SMYD3: variants seen among roughly 807,000 people sequenced by gnomAD.
The protein encoded by SMYD3 is SET and MYND domain containing 3.
Under a neutral mutation model 57.7 loss-of-function variants are expected in SMYD3, and 36 were observed. That is an observed-to-expected ratio of 0.62 (90% CI 0.48 to 0.82). SMYD3 has a LOEUF of 0.82. Ranked by LOEUF, SMYD3 falls within the 40% of genes least tolerant of loss-of-function variation. The pLI, the probability that SMYD3 is intolerant of heterozygous loss-of-function variation, is 0.00. For synonymous variants in SMYD3, 211 were observed against 195.0 expected (o/e 1.08, Z -0.68); for missense variants, 515 against 538.8 (o/e 0.96, Z 0.44).
chr1:245,962,651 A>G (rs1274951307), intron 5 of SMYD3, among the ~76,000 whole-genome samples: 2 of 151,940 alleles, frequency 1.3e-5, no homozygotes, highest in Non-Finnish European at 2.9e-5. Flanking sequence ...TGCGTCGAAC[A>G]ATAAAGAGAA....
intron 1 of SMYD3, among the ~76,000 whole-genome samples, chr1:246,374,680 T>C (rs968297526): frequency 1.3e-5 from 2 of 152,140 alleles, no homozygotes; most frequent in African/African-American, 4.8e-5. Flanking sequence ...CAATATATAT[T>C]AAATAAGGTG....
chr1:246,178,177 A>G (rs1361472952), intron 5 of SMYD3, among the ~76,000 whole-genome samples: 1 of 152,178 alleles, frequency 6.6e-6, no homozygotes, highest in East Asian at 1.9e-4. Context: ...GCAACTGTAA[A>G]TCTGGGATGG....
At chr1:246,105,988 T>C (rs2061111254) in intron 5 of SMYD3, among the ~76,000 whole-genome samples, 1 of 152,162 alleles carries the variant, frequency 6.6e-6, no homozygotes. Flanking sequence ...TTGACAAACA[T>C]TATGCAGTGA....
At chr1:246,067,675 G>T in intron 5 of SMYD3, among the ~76,000 whole-genome samples, 1 of 152,198 alleles carries the variant, frequency 6.6e-6, no homozygotes, top group East Asian at 1.9e-4. Context: ...AGGGCGACTC[G>T]CTCCTGGACG....
At chr1:245,855,595 C>T (rs867903540) in intron 10 of SMYD3, among the ~76,000 whole-genome samples, 27 of 152,300 alleles carry the variant, frequency 1.8e-4, no homozygotes, top group Middle Eastern at 6.8e-3. Flanking sequence ...TATGCCGATA[C>T]TATCAGAAGA....
chr1:245,968,901 G>A (rs1025469473), intron 5 of SMYD3, among the ~76,000 whole-genome samples: 9 of 152,094 alleles, frequency 5.9e-5, no homozygotes, highest in South Asian at 2.1e-4. Context: ...AGATGCCTCC[G>A]TACACTGTTA....
At chr1:245,782,134 C>T (rs1303993754) in intron 10 of SMYD3, among the ~76,000 whole-genome samples, 1 of 152,152 alleles carries the variant, frequency 6.6e-6, no homozygotes, top group African/African-American at 2.4e-5. Context: ...ATATGTATCA[C>T]TCCTTCTACA....
chr1:246,251,182 A>G (rs2063792480), intron 5 of SMYD3, among the ~76,000 whole-genome samples: 1 of 152,182 alleles, frequency 6.6e-6, no homozygotes, highest in Admixed American at 6.5e-5. Flanking sequence ...TTGAGTTGGG[A>G]GCAGGGGTTG....
intron 5 of SMYD3, among the ~76,000 whole-genome samples, chr1:245,997,193 T>G (rs927020476): frequency 6.6e-6 from 1 of 152,194 alleles, no homozygotes; most frequent in African/African-American, 2.4e-5. Flanking sequence ...GGGGAACCCC[T>G]TTAGGGAGAG....
At chr1:246,427,461 A>T (rs1314293889) in intron 1 of SMYD3, among the ~76,000 whole-genome samples, 1 of 149,858 alleles carries the variant, frequency 6.7e-6, no homozygotes, top group South Asian at 2.1e-4. Context: ...CGGAGCTTGC[A>T]GTGAGCCGAG....
chr1:246,419,916 A>G (rs1052488571), intron 1 of SMYD3, among the ~76,000 whole-genome samples: 3 of 152,240 alleles, frequency 2.0e-5, no homozygotes, highest in Admixed American at 2.0e-4. Flanking sequence ...GTCTGTCACG[A>G]CTTGAGCTGT....
At chr1:246,085,870 T>C (rs973312620) in intron 5 of SMYD3, among the ~76,000 whole-genome samples, 2 of 152,148 alleles carry the variant, frequency 1.3e-5, no homozygotes, top group African/African-American at 4.8e-5. Flanking sequence ...TCTTTGTTTC[T>C]GATCAACCTT....
In SMYD3 at chr1:246,074,913, T is replaced by TACACACACACACAC. The variant is rs60103366; in HGVS notation, c.532-144990_532-144977dup. Among the ~76,000 whole-genome samples the TACACACACACACAC allele has an allele frequency of 7.6e-4, 113 of 148,464 alleles. 1 individual carries two copies. Among genetic ancestry groups the TACACACACACACAC allele is most frequent in the Middle Eastern group, 3.5e-3 (1 of 286 alleles). On this transcript the variant is annotated intron_variant, in intron 5 of 11. Coordinates refer to ENST00000490107, the MANE Select transcript of SMYD3 (RefSeq NM_001167740.2). The stretch of plus-strand genomic sequence containing the variant: ...CCAATATAATAGCATGCTAAAGCAA[T>TACACACACACACAC]ACACACACACACACACACACACACA...
Position 245,945,764 on chromosome 1 carries a change from T to C in SMYD3, c.532-15827A>G, listed in dbSNP as rs1413103109. Reference sequence around the variant, plus strand: ...AAAAAATCATGGTACATATACACCATGGAATACTACACAGTAATAAAAAGG... The same window carrying C: ...AAAAAATCATGGTACATATACACCACGGAATACTACACAGTAATAAAAAGG... On this transcript the variant is annotated intron_variant, in intron 5 of 11. Transcript: ENST00000490107. Among the ~76,000 whole-genome samples the C allele has an allele frequency of 2.6e-5, 4 of 152,320 alleles. No homozygotes were observed. In the Middle Eastern group the frequency reaches 0.01, roughly 389 times the overall value.
intron 5 of SMYD3, among the ~76,000 whole-genome samples, chr1:246,098,677 A>G (rs560627230): frequency 4.6e-5 from 7 of 152,256 alleles, no homozygotes; most frequent in Non-Finnish European, 8.8e-5. Context: ...TTCATCACTT[A>G]GAATGTGACA....
At position 246,321,749 on chromosome 1, in the gene SMYD3, G is replaced by A. The variant is rs186235167; in HGVS notation, c.531+5452C>T. On this transcript the variant is annotated intron_variant, in intron 5 of 11. Coordinates refer to ENST00000490107, the MANE Select transcript of SMYD3 (RefSeq NM_001167740.2). ...TACACCGAATCACAGCATTTGTCAT[G>A]CCATGATAAATTTTTTTGAGACAGG... 608 of 152,192 alleles carry A rather than the reference G, an allele frequency of 4.0e-3. 5 individuals carry two copies. Among genetic ancestry groups the A allele is most frequent in the Non-Finnish European group, 6.6e-3 (449 of 68,062 alleles). The allele number at this position is 152,192 out of a possible 1,614,324, so 9.4% of individuals were successfully genotyped here.
intron 1 of SMYD3, among the ~76,000 whole-genome samples, chr1:246,437,191 T>C (rs1222703313): frequency 1.3e-5 from 2 of 152,156 alleles, no homozygotes; most frequent in South Asian, 2.1e-4. Flanking sequence ...TCTTACTGTA[T>C]CTGCAGCAGC....
chr1:246,096,552 A>G (rs978481477), intron 5 of SMYD3: 1 of 152,238 alleles, frequency 6.6e-6, no homozygotes, highest in Non-Finnish European at 1.5e-5. Context: ...GCACTACATC[A>G]GACACCTGGC....
chr1:246,049,389 C>T (rs933898943), intron 5 of SMYD3, among the ~76,000 whole-genome samples: 9 of 152,000 alleles, frequency 5.9e-5, no homozygotes, highest in Admixed American at 1.3e-4. Flanking sequence ...CTCTGCCTCC[C>T]GGGTTCACGC....
Sources: gnomAD v4.1 joint callset for allele counts (sites outside exome capture counted in the v4.1 genomes callset) on GRCh38, gnomAD v4.1.1 for gene constraint, MANE v1.5 for transcripts, NCBI Gene and HGNC (gene_info 2026-07-23, HGNC 2026-07-21) for gene names.